CDK14: variants seen among roughly 807,000 people sequenced by gnomAD.
The protein encoded by CDK14 is cyclin dependent kinase 14, also known as cyclin-dependent kinase 14.
Under a neutral mutation model 60.7 loss-of-function variants are expected in CDK14, and 34 were observed. The ratio of observed to expected loss-of-function variants is 0.56; its 90% CI spans 0.43 to 0.75. CDK14 has a LOEUF of 0.75. Ranked by LOEUF, CDK14 falls within the 30% of genes least tolerant of loss-of-function variation. The pLI, the probability that CDK14 is intolerant of heterozygous loss-of-function variation, is 0.00. For synonymous variants in CDK14, 197 were observed against 203.7 expected (o/e 0.97, Z 0.28); for missense variants, 482 against 564.1 (o/e 0.85, Z 1.47).
intron 2 of CDK14, among the ~76,000 whole-genome samples, chr7:90,628,857 CAGAG>C (rs150217210): frequency 6.7e-6 from 1 of 150,316 alleles, no homozygotes; most frequent in Non-Finnish European, 1.5e-5. Context: ...GAGAGAGAGA[CAGAG>C]AGAGAGAGAG....
At chr7:90,599,553 A>G (rs1229398834) in intron 1 of CDK14, among the ~76,000 whole-genome samples, 1 of 152,228 alleles carries the variant, frequency 6.6e-6, no homozygotes, top group Non-Finnish European at 1.5e-5. Context: ...AATCTAGTGC[A>G]GTATCTATCA....
At chr7:91,206,046 G>C (rs756731956) in intron 14 of CDK14, among the ~76,000 whole-genome samples, 2 of 151,982 alleles carry the variant, frequency 1.3e-5, no homozygotes, top group Non-Finnish European at 2.9e-5. Flanking sequence ...TGCCCGTCTC[G>C]GCCTCCCAAA....
At chr7:91,201,046 T>C (rs1260283644) in intron 14 of CDK14, among the ~76,000 whole-genome samples, 2 of 152,216 alleles carry the variant, frequency 1.3e-5, no homozygotes, top group Non-Finnish European at 2.9e-5. Flanking sequence ...TTTATTTCCT[T>C]TTTGAAAGCA....
chr7:90,743,304 C>A (rs1803428662), intron 3 of CDK14, among the ~76,000 whole-genome samples: 1 of 152,088 alleles, frequency 6.6e-6, no homozygotes. Flanking sequence ...AAAATCTACT[C>A]ATTTAGCAGG....
At chr7:91,135,724 T>C (rs1800260156) in intron 14 of CDK14, among the ~76,000 whole-genome samples, 3 of 152,132 alleles carry the variant, frequency 2.0e-5, no homozygotes, top group Admixed American at 2.0e-4. Context: ...TTGCACACTA[T>C]TGTCTGTTTG....
chr7:91,069,144 C>T (rs1382292985), intron 11 of CDK14, among the ~76,000 whole-genome samples: 12 of 152,250 alleles, frequency 7.9e-5, no homozygotes, highest in Admixed American at 7.2e-4. Context: ...GTGTGTTTTT[C>T]TTTTTGTTCT....
At chr7:90,869,739 G>A (rs1057224079) in intron 6 of CDK14, among the ~76,000 whole-genome samples, 1 of 152,184 alleles carries the variant, frequency 6.6e-6, no homozygotes, top group Admixed American at 6.5e-5. Context: ...CGACACACCT[G>A]TTGGGAAGAC....
chr7:90,748,777 C>G lies in CDK14; in HGVS notation c.464+1002C>G, dbSNP rs186368762. 2.0e-5 allele frequency among the ~76,000 whole-genome samples: 3 copies of G among 152,074 alleles called. No individual in the cohort carries two copies. In the East Asian group the frequency reaches 5.8e-4, roughly 29 times the overall value. On this transcript the variant is annotated intron_variant, in intron 4 of 14. Coordinates refer to ENST00000380050, the MANE Select transcript of CDK14 (RefSeq NM_001287135.2). ...TTTTTAAAAAACTCTTTTGCAGAAACGGAATTTTCCTGTATTGCCCAGGCT... is the reference window on the plus strand; with the variant it reads ...TTTTTAAAAAACTCTTTTGCAGAAAGGGAATTTTCCTGTATTGCCCAGGCT...
chr7:91,137,693 G>T (rs553561671), intron 14 of CDK14, among the ~76,000 whole-genome samples: 139 of 97,120 alleles, frequency 1.4e-3, no homozygotes, highest in Non-Finnish European at 1.7e-3. Flanking sequence ...ACTTGTGGGG[G>T]GTGTGTGTGT....
At chr7:90,744,515 G>A (rs560781657) in intron 3 of CDK14, among the ~76,000 whole-genome samples, 1 of 152,330 alleles carries the variant, frequency 6.6e-6, no homozygotes, top group South Asian at 2.1e-4. Context: ...CGTTCTCAAT[G>A]AGCTGTTGGG....
chr7:90,898,659 C>A (rs1792410224), intron 6 of CDK14, among the ~76,000 whole-genome samples: 7 of 151,978 alleles, frequency 4.6e-5, no homozygotes, highest in Admixed American at 4.6e-4. Flanking sequence ...ACAAATCGAG[C>A]TTGCATATTT....
At chr7:90,611,076 C>T (rs1799529626) in intron 2 of CDK14, among the ~76,000 whole-genome samples, 1 of 152,106 alleles carries the variant, frequency 6.6e-6, no homozygotes, top group African/African-American at 2.4e-5. Flanking sequence ...CCAGTTCCTC[C>T]TCCTGTCTTC....
chr7:90,861,869 T>C (rs1185710417), intron 5 of CDK14, among the ~76,000 whole-genome samples: 1 of 152,108 alleles, frequency 6.6e-6, no homozygotes, highest in Non-Finnish European at 1.5e-5. Context: ...CTCTCAAACA[T>C]TGAAAATAGG....
rs535135172 is a variant in CDK14, at chr7:90,919,874, A to G, written c.826+2150A>G. ...GATAGCTATTGATACAGCAATTGCA[A>G]TGTTGAGTGTTTTAAAGCATTTGGT... is the stretch of plus-strand genomic sequence containing the variant. On this transcript the variant is annotated intron_variant, in intron 8 of 14. Coordinates refer to ENST00000380050, the MANE Select transcript of CDK14 (RefSeq NM_001287135.2). Among the ~76,000 whole-genome samples the G allele has an allele frequency of 5.9e-5, 9 of 152,362 alleles. No homozygotes were observed. In the South Asian group the frequency reaches 1.9e-3, roughly 32 times the overall value.
At chr7:90,979,887 GCATTTGTTAC>G in intron 9 of CDK14, 1 of 152,196 alleles carries the variant, frequency 6.6e-6, no homozygotes, top group East Asian at 1.9e-4. Context: ...ACTGTTTGTT[GCATTTGTTAC>G]CTTTTAAAAT....
chr7:91,069,500 C>T (rs776879168), intron 11 of CDK14, among the ~76,000 whole-genome samples: 1 of 152,020 alleles, frequency 6.6e-6, no homozygotes, highest in Admixed American at 6.6e-5. Flanking sequence ...ATGATTGTGC[C>T]ACTGCACTCC....
intron 2 of CDK14, among the ~76,000 whole-genome samples, chr7:90,648,986 T>C (rs1303845163): frequency 3.9e-5 from 6 of 152,034 alleles, no homozygotes; most frequent in Admixed American, 2.6e-4. Flanking sequence ...ATAGGGAAAA[T>C]ATGGATAGCA....
At chr7:90,754,582 T>C (rs1803983114) in intron 4 of CDK14, among the ~76,000 whole-genome samples, 2 of 152,304 alleles carry the variant, frequency 1.3e-5, no homozygotes, top group Middle Eastern at 3.4e-3. Flanking sequence ...AAACGATTTA[T>C]GACTAAGTTC....
At chr7:91,090,382 C>T (rs1256017773) in intron 12 of CDK14, among the ~76,000 whole-genome samples, 1 of 152,188 alleles carries the variant, frequency 6.6e-6, no homozygotes, top group Non-Finnish European at 1.5e-5. Flanking sequence ...GCTATCTTCA[C>T]TTTCCAGTAT....
Sources: gnomAD v4.1 joint callset for allele counts (sites outside exome capture counted in the v4.1 genomes callset) on GRCh38, gnomAD v4.1.1 for gene constraint, MANE v1.5 for transcripts, NCBI Gene and HGNC (gene_info 2026-07-23, HGNC 2026-07-21) for gene names.